The following PXT1 variants were observed in gnomAD, a reference collection of about 807,000 sequenced individuals.
The protein encoded by PXT1 is peroxisomal testis-specific protein 1.
Under a neutral mutation model 11.0 loss-of-function variants are expected in PXT1, and 11 were observed. The ratio of observed to expected loss-of-function variants is 1.00; its 90% CI spans 0.63 to 1.66. The LOEUF (loss-of-function observed/expected upper bound fraction) is 1.66. PXT1 is among the 40% of genes most tolerant of loss of function. PXT1 has a pLI of 0.00. For synonymous variants in PXT1, 43 were observed against 51.4 expected, an observed-to-expected ratio of 0.84 and a Z score of 0.70; for missense variants, 141 against 155.5, an observed-to-expected ratio of 0.91 and a Z score of 0.49.
intron 3 of PXT1, among the ~76,000 whole-genome samples, chr6:36,403,843 G>T (rs902639322): frequency 6.6e-6 from 1 of 152,184 alleles, no homozygotes; most frequent in East Asian, 1.9e-4. Context: ...ACTCCAGCCT[G>T]GGTGACAGAG....
chr6:36,400,394 A>C, intron 4 of PXT1, 60 bp downstream of exon 4: 1 of 1,591,490 alleles, frequency 6.3e-7, no homozygotes, highest in Non-Finnish European at 8.6e-7. Context: ...TGGCAGCCGT[A>C]GTTTTGTTTG....
At chr6:36,412,897 G>GA (rs35573023) in intron 3 of PXT1, among the ~76,000 whole-genome samples, 3 of 148,290 alleles carry the variant, frequency 2.0e-5, no homozygotes, top group Admixed American at 6.7e-5. Context: ...TTGATAGCCT[G>GA]AAAAAAAGTT....
At chr6:36,409,874 AAAAGAAGGAAGGAAGGAAGG>A (rs1225756895) in intron 3 of PXT1, among the ~76,000 whole-genome samples, 1 of 115,676 alleles carries the variant, frequency 8.6e-6, no homozygotes, top group African/African-American at 3.4e-5. Context: ...GAAAGAAAAG[AAAAGAAGGAAGGAAGGAAGG>A]AAAGAAGGAA....
intron 4 of PXT1, among the ~76,000 whole-genome samples, chr6:36,396,175 T>C (rs140281628): frequency 1.3e-5 from 2 of 152,288 alleles, no homozygotes; most frequent in East Asian, 1.9e-4. Context: ...GAAACCCTCA[T>C]ATTTACAGCC....
At chr6:36,422,979 A>G (rs937203025) in intron 3 of PXT1, among the ~76,000 whole-genome samples, 2 of 152,084 alleles carry the variant, frequency 1.3e-5, no homozygotes, top group Non-Finnish European at 2.9e-5. Flanking sequence ...TTTCCCTTAA[A>G]TGATGTGTAT....
intron 4 of PXT1, 168 bp from the exon 5 acceptor site, chr6:36,392,042 T>A: frequency 1.7e-6 from 1 of 577,458 alleles, no homozygotes. Context: ...GACAGTACCT[T>A]CCATATGGTC....
chr6:36,417,537 T>C (rs531409322), intron 3 of PXT1, among the ~76,000 whole-genome samples: 14 of 146,528 alleles, frequency 9.6e-5, no homozygotes, highest in Admixed American at 3.5e-4. Flanking sequence ...GGAGGATCGC[T>C]TGAGCCCAGG....
intron 3 of PXT1, among the ~76,000 whole-genome samples, chr6:36,401,850 GA>G (rs1193422970): frequency 1.3e-4 from 19 of 149,142 alleles, no homozygotes; most frequent in Admixed American, 1.2e-3. Context: ...TTTCAAAATA[GA>G]TTTTTCCACT....
chr6:36,396,623 T>A (rs1467060922), intron 4 of PXT1, among the ~76,000 whole-genome samples: 1 of 152,192 alleles, frequency 6.6e-6, no homozygotes, highest in Non-Finnish European at 1.5e-5. Flanking sequence ...CTGCCAGTCC[T>A]GTGGACCAGA....
intron 3 of PXT1, among the ~76,000 whole-genome samples, chr6:36,401,045 G>T (rs942802017): frequency 5.9e-5 from 9 of 151,920 alleles, no homozygotes; most frequent in Admixed American, 5.9e-4. Context: ...GAATAGATCA[G>T]CTCTCTCCAA....
At chr6:36,421,415 C>T (rs1226078635) in intron 3 of PXT1, among the ~76,000 whole-genome samples, 1 of 151,880 alleles carries the variant, frequency 6.6e-6, no homozygotes, top group Admixed American at 6.6e-5. Flanking sequence ...GAGCTATGAT[C>T]GCGCCACTGC....
intron 3 of PXT1, among the ~76,000 whole-genome samples, chr6:36,409,913 G>C (rs1470836038): frequency 7.0e-6 from 1 of 143,180 alleles, no homozygotes; most frequent in African/African-American, 2.6e-5. Flanking sequence ...AAGGAAGGAA[G>C]GGAGAAAGGA....
chr6:36,396,493 A>G (rs1167531006), intron 4 of PXT1, among the ~76,000 whole-genome samples: 1 of 152,186 alleles, frequency 6.6e-6, no homozygotes, highest in African/African-American at 2.4e-5. Context: ...ATCTCTGAGC[A>G]GGGGTTGGGG....
chr6:36,413,140 C>T (rs147158387), intron 3 of PXT1, among the ~76,000 whole-genome samples: 29 of 152,212 alleles, frequency 1.9e-4, no homozygotes, highest in African/African-American at 5.1e-4. Flanking sequence ...AAATCCTGGC[C>T]GGACACGGTG....
In PXT1 at chr6:36,400,470, T is replaced by A. The variant is rs754806352; in HGVS notation, c.284A>T (p.His95Leu). 1.1e-5 allele frequency: 18 copies of A among 1,613,732 alleles called. No homozygotes were observed. The Middle Eastern group carries it at 4.9e-4, about 44-fold the overall frequency. Residue 95 changes from histidine (H) to leucine (L), a missense_variant, in exon 4 of 5, where the codon CAT becomes CTT. Physicochemically the swap from His to Leu is moderately conservative, Grantham distance 99 (BLOSUM62 -3). Transcript: ENST00000454782. The part of the protein sequence containing the change: ...QLRHIGDNID[H>L]RMVREDLQQD... ...AAGCCTCACCTCTCGAACCATCCTA[T>A]GATCAATGTTGTCCCCAATGTGTCT...
At chr6:36,425,806 ATAT>A (rs1400572156) in intron 3 of PXT1, 105 bp downstream of exon 3, 15 of 284,532 alleles carry the variant, frequency 5.3e-5, no homozygotes, top group Admixed American at 1.2e-4. Flanking sequence ...AAAACAAAAA[ATAT>A]ATATATATAT....
intron 3 of PXT1, among the ~76,000 whole-genome samples, chr6:36,422,177 C>A (rs1373155081): frequency 6.6e-6 from 1 of 152,100 alleles, no homozygotes; most frequent in African/African-American, 2.4e-5. Context: ...CTTTAACAAT[C>A]ATTGTAGGTT....
At chr6:36,402,087 G>T (rs995428876) in intron 3 of PXT1, among the ~76,000 whole-genome samples, 1 of 151,888 alleles carries the variant, frequency 6.6e-6, no homozygotes, top group African/African-American at 2.4e-5. Context: ...AAAGTACTGG[G>T]ATTATAGGAA....
At chr6:36,397,526 C>T (rs1774160858) in intron 4 of PXT1, among the ~76,000 whole-genome samples, 1 of 152,070 alleles carries the variant, frequency 6.6e-6, no homozygotes, top group African/African-American at 2.4e-5. Flanking sequence ...TCAAATGGAT[C>T]AAAGATCTAA....
Sources: allele counts gnomAD v4.1 joint callset (sites outside exome capture counted in the v4.1 genomes callset), GRCh38; gene constraint gnomAD v4.1.1; transcripts MANE v1.5; gene names NCBI Gene and HGNC (gene_info 2026-07-23, HGNC 2026-07-21).